XIRP2: variants seen among roughly 807,000 people sequenced by gnomAD.
XIRP2 encodes the protein xin actin binding repeat containing 2, also known as xin actin-binding repeat-containing protein 2.
A neutral mutation model predicts 277.0 loss-of-function variants in XIRP2; 236 were observed. That is an observed-to-expected ratio of 0.85 (90% CI 0.77 to 0.95). The LOEUF (loss-of-function observed/expected upper bound fraction) is 0.95. Ranked by LOEUF, XIRP2 falls within the 40% of genes least tolerant of loss-of-function variation. The pLI, the probability that XIRP2 is intolerant of heterozygous loss-of-function variation, is 0.00. For synonymous variants in XIRP2, 1,490 were observed against 1,416.5 expected (o/e 1.05, Z -1.17); for missense variants, 4,640 against 4,157.5 (o/e 1.12, Z -3.19).
chr2:167,218,725 T>C (rs1694331683), intron 5 of XIRP2, among the ~76,000 whole-genome samples: 1 of 152,222 alleles, frequency 6.6e-6, no homozygotes, highest in African/African-American at 2.4e-5. Context: ...GTGGGGAGTT[T>C]TCTGTTTTCT....
intron 2 of XIRP2, among the ~76,000 whole-genome samples, chr2:166,911,480 C>G (rs1384480559): frequency 6.6e-6 from 1 of 152,092 alleles, no homozygotes; most frequent in Admixed American, 6.6e-5. Context: ...TCCTTCATCC[C>G]TTTATTTTGA....
chr2:166,964,963 G>T (rs12692851), intron 2 of XIRP2, among the ~76,000 whole-genome samples: 49,222 of 151,484 alleles, frequency 0.32, 8,651 homozygotes, highest in African/African-American at 0.44. Context: ...TAGAGGCTCT[G>T]CTGATCATCG....
intron 2 of XIRP2, among the ~76,000 whole-genome samples, chr2:167,105,855 G>A (rs1690603786): frequency 6.6e-6 from 1 of 151,692 alleles, no homozygotes; most frequent in Admixed American, 6.6e-5. Context: ...ATTCTGATAA[G>A]TGTATTGTAA....
intron 2 of XIRP2, among the ~76,000 whole-genome samples, chr2:167,068,966 A>T (rs1689372477): frequency 6.6e-6 from 1 of 152,166 alleles, no homozygotes; most frequent in Non-Finnish European, 1.5e-5. Context: ...AGAGAGTCTT[A>T]TCTTCTATTA....
chr2:167,081,616 A>G (rs985514679), intron 2 of XIRP2, among the ~76,000 whole-genome samples: 7 of 152,178 alleles, frequency 4.6e-5, no homozygotes, highest in Non-Finnish European at 1.0e-4. Flanking sequence ...TTCAAGTGCT[A>G]TTTGTTATTA....
At chr2:167,257,728 T>C (rs1404632396) in intron 10 of XIRP2, 129 bp from the exon 11 acceptor site, 2 of 834,908 alleles carry the variant, frequency 2.4e-6, no homozygotes, top group Non-Finnish European at 3.7e-6. Flanking sequence ...AATGTTCAAC[T>C]AATAGGGCCA....
At position 167,259,160 on chromosome 2, in the gene XIRP2, G is replaced by T; in HGVS notation, c.*1343G>T. 6.2e-7 allele frequency: 1 copy of T among 1,613,200 alleles called. No homozygotes were observed. The highest frequency in any genetic ancestry group is 1.7e-4 in the Middle Eastern group (1 of 6,050). ...TCAAATTAAAAATATGCCATGCTTG[G>T]ATTTAAGGGAATTTGGAAAGGATGT... is the stretch of plus-strand genomic sequence containing the variant. On this transcript the variant is annotated 3_prime_UTR_variant, in exon 11 of 11. Coordinates refer to ENST00000409195, the MANE Select transcript of XIRP2 (RefSeq NM_152381.6).
chr2:167,200,055 G>A (rs919065564), intron 3 of XIRP2, among the ~76,000 whole-genome samples: 1 of 152,202 alleles, frequency 6.6e-6, no homozygotes, highest in Non-Finnish European at 1.5e-5. Flanking sequence ...ATAGCAACTA[G>A]TTTAAATAGA....
At position 167,249,322 on chromosome 2, in the gene XIRP2, C is replaced by T; in HGVS notation, c.7930C>T (p.His2644Tyr). 5 of 1,613,752 alleles carry T rather than the reference C, an allele frequency of 3.1e-6. No individual in the cohort carries two copies. Among genetic ancestry groups the T allele is most frequent in the Non-Finnish European group, 4.2e-6 (5 of 1,179,812 alleles). Reference sequence around the variant, plus strand: ...AACAGTCGCTGCCAAGAGGCTCCACCATGTTTTAGCAGCTTCAGAAGACAA... The same window carrying T: ...AACAGTCGCTGCCAAGAGGCTCCACTATGTTTTAGCAGCTTCAGAAGACAA... ...PETVAAKRLH[H>Y]VLAASEDKDK... is the part of the protein sequence containing the mutation. Residue 2644 changes from histidine to tyrosine, a missense_variant, in exon 9 of 11, where the codon CAT becomes TAT. Transcript: ENST00000409195.
chr2:167,060,496 A>G (rs1182655309), intron 2 of XIRP2, among the ~76,000 whole-genome samples: 2 of 152,082 alleles, frequency 1.3e-5, no homozygotes, highest in Admixed American at 1.3e-4. Flanking sequence ...TCCTATGTTT[A>G]TGATTAATTT....
At chr2:166,952,240 C>A (rs1190457266) in intron 2 of XIRP2, among the ~76,000 whole-genome samples, 2 of 151,914 alleles carry the variant, frequency 1.3e-5, no homozygotes, top group Admixed American at 1.3e-4. Flanking sequence ...TACATTCGTC[C>A]GGTGGATGAG....
chr2:167,238,309 T>C (rs1694959045), intron 5 of XIRP2, among the ~76,000 whole-genome samples: 1 of 152,170 alleles, frequency 6.6e-6, no homozygotes, highest in South Asian at 2.1e-4. Context: ...ATTACAGTGG[T>C]CTTCAATTTA....
intron 1 of XIRP2, among the ~76,000 whole-genome samples, chr2:166,891,223 A>G (rs1045064573): frequency 1.3e-5 from 2 of 152,224 alleles, no homozygotes; most frequent in Non-Finnish European, 2.9e-5. Flanking sequence ...CAAATATACA[A>G]CTTCATAAAT....
In XIRP2 at chr2:167,021,603, C is replaced by T. The variant is rs140463262; in HGVS notation, c.409-114306C>T. Reference sequence around the variant, plus strand: ...GTGGCTGATGTCTGGAATCCCAGCACTTTGGGAGGCTGAGGCAGGAGGATG... The same window carrying T: ...GTGGCTGATGTCTGGAATCCCAGCATTTTGGGAGGCTGAGGCAGGAGGATG... On this transcript the variant is annotated intron_variant, in intron 2 of 10. Coordinates refer to ENST00000409195, the MANE Select transcript of XIRP2 (RefSeq NM_152381.6). 4.9e-3 allele frequency among the ~76,000 whole-genome samples: 743 copies of T among 152,052 alleles called. 6 individuals are homozygous for T. The highest frequency in any genetic ancestry group is 0.017 in the African/African-American group (694 of 41,492).
chr2:166,986,477 A>G (rs545329888), intron 2 of XIRP2, among the ~76,000 whole-genome samples: 1 of 152,352 alleles, frequency 6.6e-6, no homozygotes, highest in South Asian at 2.1e-4. Context: ...TTGTGTTGCT[A>G]GCCGCATAGC....
intron 2 of XIRP2, among the ~76,000 whole-genome samples, chr2:166,959,885 G>A (rs905139563): frequency 6.6e-6 from 1 of 151,652 alleles, no homozygotes; most frequent in African/African-American, 2.4e-5. Flanking sequence ...GAACTGATCA[G>A]CACAATCACT....
chr2:167,222,261 T>G (rs1467676962), intron 5 of XIRP2, among the ~76,000 whole-genome samples: 1 of 152,208 alleles, frequency 6.6e-6, no homozygotes, highest in Non-Finnish European at 1.5e-5. Flanking sequence ...TTTATAGTTC[T>G]GCCTGTTAAA....
chr2:166,919,380 A>G (rs1210040073), intron 2 of XIRP2, among the ~76,000 whole-genome samples: 4 of 152,188 alleles, frequency 2.6e-5, no homozygotes, highest in Non-Finnish European at 5.9e-5. Flanking sequence ...AACTTGTTTT[A>G]TGCGAATGTA....
At position 166,987,433 on chromosome 2, in the gene XIRP2, G is replaced by A. The variant is rs565027581; in HGVS notation, c.408+83543G>A. Reference sequence around the variant, plus strand: ...GGCTATTGGACATGTCTGCATGGAAGTCTTGGATTGCCAAACTCCATTGCA... The same window carrying A: ...GGCTATTGGACATGTCTGCATGGAAATCTTGGATTGCCAAACTCCATTGCA... On this transcript the variant is annotated intron_variant, in intron 2 of 10. Transcript: ENST00000409195. Among the ~76,000 whole-genome samples the A allele has an allele frequency of 6.6e-5, 10 of 152,326 alleles. No homozygotes were observed. The South Asian group carries it at 1.9e-3, about 28-fold the overall frequency.
Sources: gnomAD v4.1 joint callset for allele counts (sites outside exome capture counted in the v4.1 genomes callset) on GRCh38, gnomAD v4.1.1 for gene constraint, MANE v1.5 for transcripts, NCBI Gene and HGNC (gene_info 2026-07-23, HGNC 2026-07-21) for gene names.